Variants in LCOR observed in about 807,000 individuals in gnomAD.
LCOR encodes the protein ligand dependent nuclear receptor corepressor, also known as ligand-dependent corepressor.
A neutral mutation model predicts 64.4 loss-of-function variants in LCOR; 14 were observed. The observed-to-expected ratio is 0.22, with a 90% CI of 0.14 to 0.34. LCOR has a LOEUF of 0.34. LCOR is among the 10% of genes least tolerant of loss of function. The probability of loss-of-function intolerance (pLI) is 1.00; values close to 1 mark genes in which losing one functional copy is unlikely to be tolerated. For missense variants in LCOR, 1,686 were observed against 1,765.3 expected (o/e 0.96, Z 0.80); for synonymous variants, 643 against 642.5 (o/e 1.00, Z -0.01).
intron 2 of LCOR, among the ~76,000 whole-genome samples, chr10:96,894,585 A>G (rs1846505466): frequency 2.0e-5 from 3 of 152,144 alleles, no homozygotes. Flanking sequence ...AGCAGGGGAG[A>G]ACTATTAAGA....
At chr10:96,967,121 G>A (rs543527689) in intron 7 of LCOR, among the ~76,000 whole-genome samples, 2 of 152,264 alleles carry the variant, frequency 1.3e-5, no homozygotes, top group African/African-American at 4.8e-5. Flanking sequence ...TCAGCAGTAT[G>A]GAGTGATAAT....
chr10:96,984,884 AAG>A lies in LCOR; in HGVS notation c.4428_4429del (p.Asn1477TyrfsTer25). On this transcript the variant is annotated frameshift_variant, in exon 8 of 8. Coordinates refer to ENST00000421806, the MANE Select transcript of LCOR (RefSeq NM_001346516.2). LOFTEE classifies it high-confidence loss of function. ...AGCTGCCCTCCCTCCAGGAAAGAAA[AAG>A]AGAATACAAACAAAAGGCCTTCCCA... is the stretch of plus-strand genomic sequence containing the variant. 6.2e-7 allele frequency: 1 copy of A among 1,613,880 alleles called. No homozygotes were observed. Among genetic ancestry groups the A allele is most frequent in the Non-Finnish European group, 8.5e-7 (1 of 1,179,990 alleles).
chr10:96,942,123 T>G (rs1270545070), intron 4 of LCOR, among the ~76,000 whole-genome samples: 1 of 139,716 alleles, frequency 7.2e-6, no homozygotes, highest in Non-Finnish European at 1.6e-5. Context: ...CGAGCCGAGA[T>G]CACGCCATTG....
chr10:96,853,992 A>G (rs774471724), intron 2 of LCOR, among the ~76,000 whole-genome samples: 13 of 152,250 alleles, frequency 8.5e-5, no homozygotes, highest in South Asian at 2.1e-4. Context: ...GATTACCTCT[A>G]TCTGGTCCCA....
chr10:96,932,714 G>A (rs1031011091), intron 4 of LCOR, among the ~76,000 whole-genome samples: 8 of 152,044 alleles, frequency 5.3e-5, no homozygotes, highest in Non-Finnish European at 1.2e-4. Flanking sequence ...CACCTGTCTC[G>A]GCCTCCCAAA....
intron 4 of LCOR, among the ~76,000 whole-genome samples, chr10:96,918,938 AC>A (rs1422154615): frequency 6.6e-6 from 1 of 152,260 alleles, no homozygotes; most frequent in East Asian, 1.9e-4. Context: ...TACATCAGCA[AC>A]AAAAAAGGTA....
intron 2 of LCOR, among the ~76,000 whole-genome samples, chr10:96,898,710 T>C (rs1443160779): frequency 3.3e-5 from 5 of 152,144 alleles, no homozygotes; most frequent in African/African-American, 1.2e-4. Context: ...ATTTTCAGGG[T>C]TGTTTGTTTT....
At chr10:96,949,382 A>G (rs1015231464) in intron 6 of LCOR, 87 bp downstream of exon 6, 11 of 1,174,660 alleles carry the variant, frequency 9.4e-6, no homozygotes, top group Non-Finnish European at 1.4e-5. Flanking sequence ...GTAGAGCATC[A>G]GCAGCAATAA....
intron 2 of LCOR, among the ~76,000 whole-genome samples, chr10:96,837,130 A>G (rs1845456615): frequency 6.6e-6 from 1 of 151,920 alleles, no homozygotes; most frequent in Non-Finnish European, 1.5e-5. Flanking sequence ...AGCTGGGACT[A>G]CAGGTGCCCG....
intron 7 of LCOR, among the ~76,000 whole-genome samples, chr10:96,972,788 T>G (rs1043234635): frequency 6.6e-6 from 1 of 152,226 alleles, no homozygotes; most frequent in Admixed American, 6.5e-5. Flanking sequence ...AAGCTCCCTC[T>G]GAAACACCTA....
intron 2 of LCOR, among the ~76,000 whole-genome samples, chr10:96,893,607 A>G (rs1846483954): frequency 6.6e-6 from 1 of 152,090 alleles, no homozygotes. Context: ...TACTAAAAAT[A>G]CAAAAACTAA....
chr10:96,965,512 A>G (rs1847939619), intron 7 of LCOR, among the ~76,000 whole-genome samples: 1 of 150,816 alleles, frequency 6.6e-6, no homozygotes, highest in Non-Finnish European at 1.5e-5. Context: ...AATACAAAAA[A>G]TTAGCCGGGC....
chr10:96,873,764 C>T (rs538089403), intron 2 of LCOR, among the ~76,000 whole-genome samples: 68 of 151,764 alleles, frequency 4.5e-4, no homozygotes, highest in Middle Eastern at 3.4e-3. Flanking sequence ...CACCACAGTC[C>T]GGATAATTTT....
intron 4 of LCOR, among the ~76,000 whole-genome samples, chr10:96,911,023 G>A (rs1564622918): frequency 6.6e-6 from 1 of 151,108 alleles, no homozygotes; most frequent in Non-Finnish European, 1.5e-5. Flanking sequence ...GTTAGAGAAT[G>A]TAATTGTAAG....
intron 2 of LCOR, among the ~76,000 whole-genome samples, chr10:96,857,653 A>G (rs570077498): frequency 4.9e-4 from 74 of 152,284 alleles, no homozygotes; most frequent in African/African-American, 1.5e-3. Context: ...AAAATTTTAG[A>G]AAAATACTGC....
At chr10:96,858,600 T>G (rs1456125518) in intron 2 of LCOR, among the ~76,000 whole-genome samples, 1 of 152,222 alleles carries the variant, frequency 6.6e-6, no homozygotes, top group East Asian at 1.9e-4. Flanking sequence ...TCAATATGAT[T>G]GTCACCATTC....
Position 96,984,957 on chromosome 10 carries a change from G to T in LCOR, c.4497G>T (p.Gly1499=), listed in dbSNP as rs1286257580. ...TGACGAAACCTGCAAAACAGAAGGG[G>T]GCCGGTGAATCCTCTTCAAGGCCTC... The part of the protein sequence containing the change: ...ETLTKPAKQK[G]AGESSSRPQK... The change falls in exon 8 of 8, where the codon GGG becomes GGT. Residue 1499 remains glycine (G), a synonymous_variant. Transcript: ENST00000421806. 1.9e-6 allele frequency: 3 copies of T among 1,614,050 alleles called. No individual in the cohort carries two copies. Among genetic ancestry groups the T allele is most frequent in the Non-Finnish European group, 2.5e-6 (3 of 1,180,054 alleles).
chr10:96,866,739 T>G (rs1009159083), intron 2 of LCOR, among the ~76,000 whole-genome samples: 1 of 151,686 alleles, frequency 6.6e-6, no homozygotes, highest in African/African-American at 2.4e-5. Flanking sequence ...CACACCCAGC[T>G]AATTATTTGT....
chr10:96,901,919 G>A (rs1846645165), intron 2 of LCOR, among the ~76,000 whole-genome samples: 1 of 152,140 alleles, frequency 6.6e-6, no homozygotes, highest in Admixed American at 6.5e-5. Context: ...ACAGGTGTGT[G>A]CCACCACCCT....
Sources: allele counts gnomAD v4.1 joint callset (sites outside exome capture counted in the v4.1 genomes callset), GRCh38; gene constraint gnomAD v4.1.1; transcripts MANE v1.5; gene names NCBI Gene and HGNC (gene_info 2026-07-23, HGNC 2026-07-21).